TOR1AIP2: variants seen among roughly 807,000 people sequenced by gnomAD.
TOR1AIP2 encodes torsin 1A interacting protein 2, also known as torsin-1A-interacting protein 2.
A neutral mutation model predicts 32.6 loss-of-function variants in TOR1AIP2; 20 were observed. That is an observed-to-expected ratio of 0.61 (90% CI 0.43 to 0.89). The LOEUF is 0.89. Among genes scored for constraint, TOR1AIP2 ranks in the 40% least tolerant of loss-of-function variants. TOR1AIP2 has a pLI of 0.00. For synonymous variants in TOR1AIP2, 214 were observed against 210.8 expected (o/e 1.02, Z -0.13); for missense variants, 456 against 553.8 (o/e 0.82, Z 1.77).
chr1:179,851,294 C>A lies in TOR1AIP2; in HGVS notation c.104G>T (p.Ser35Ile), dbSNP rs1433645209. The change falls in exon 5 of 7, where the codon AGT (serine) becomes ATT (isoleucine). Residue 35 changes from serine to isoleucine, a missense_variant. Transcript: ENST00000609928. Reference sequence around the variant, plus strand: ...TAGGATCTCAGCTTCTTCAGCATTACTTGCTATGATTGTGGTCTCCTGCGC... The same window carrying A: ...TAGGATCTCAGCTTCTTCAGCATTAATTGCTATGATTGTGGTCTCCTGCGC... ...SQAQETTIIA[S>I]NAEEAEILHS... 2.5e-6 allele frequency: 4 copies of A among 1,608,148 alleles called. No individual in the cohort carries two copies. In the African/African-American group the frequency reaches 5.4e-5, roughly 22 times the overall value.
intron 3 of TOR1AIP2, among the ~76,000 whole-genome samples, chr1:179,858,591 A>G (rs943707644): frequency 6.6e-6 from 1 of 152,238 alleles, no homozygotes; most frequent in African/African-American, 2.4e-5. Flanking sequence ...CTGTAAAAAA[A>G]AATTAAGTAT....
In TOR1AIP2 at chr1:179,841,113, C is replaced by G. The variant is rs1695706479; in HGVS notation, c.*4958G>C. On this transcript the variant is annotated 3_prime_UTR_variant, in exon 7 of 7. Transcript: ENST00000609928. ...TTACAGGTATCTTAACTTTATTTAG[C>G]TCTCTGTAGAATTAACATCTTTGCA... 1 of 152,048 alleles carries G rather than the reference C, an allele frequency of 6.6e-6. No individual in the cohort carries two copies. The highest frequency in any genetic ancestry group is 2.1e-4 in the South Asian group (1 of 4,816). 9.4% of individuals were successfully genotyped at this position (152,048 alleles called of 1,614,324 possible).
At chr1:179,862,392 G>A (rs745652209) in intron 3 of TOR1AIP2, 31 of 985,076 alleles carry the variant, frequency 3.1e-5, no homozygotes, top group Non-Finnish European at 3.6e-5. Flanking sequence ...GTAGGATAGT[G>A]AAATTCTTCA....
chr1:179,866,930 G>T (rs1558025562), intron 2 of TOR1AIP2, among the ~76,000 whole-genome samples: 6 of 152,056 alleles, frequency 3.9e-5, no homozygotes, highest in African/African-American at 1.5e-4. Flanking sequence ...CACCTAGAGG[G>T]TATCACAGAA....
intron 3 of TOR1AIP2, among the ~76,000 whole-genome samples, chr1:179,855,811 T>C (rs1240837077): frequency 1.3e-5 from 2 of 152,250 alleles, no homozygotes; most frequent in African/African-American, 2.4e-5. Context: ...AATTGTCATA[T>C]TCTTACAATG....
intron 3 of TOR1AIP2, among the ~76,000 whole-genome samples, chr1:179,854,816 A>G (rs1696237734): frequency 6.6e-6 from 1 of 152,240 alleles, no homozygotes; most frequent in Non-Finnish European, 1.5e-5. Context: ...GGTTGCAGTG[A>G]GCCCAGATTG....
chr1:179,863,897 G>C, intron 3 of TOR1AIP2: 1 of 985,418 alleles, frequency 1.0e-6, no homozygotes, highest in Non-Finnish European at 1.2e-6. Flanking sequence ...TGAAAGTCCA[G>C]AATGTGGCCA....
At chr1:179,859,276 C>A (rs976465718) in intron 3 of TOR1AIP2, 2 of 833,040 alleles carry the variant, frequency 2.4e-6, no homozygotes, top group South Asian at 1.1e-4. Flanking sequence ...TCACAACAAT[C>A]TTATGAGGTG....
At chr1:179,862,720 G>C (rs947877939) in intron 3 of TOR1AIP2, 1 of 894,266 alleles carries the variant, frequency 1.1e-6, no homozygotes, top group Non-Finnish European at 1.3e-6. Flanking sequence ...CTGAGGTCAG[G>C]AGTTCAAGAC....
intron 2 of TOR1AIP2, chr1:179,867,692 C>A (rs182200893): frequency 6.6e-6 from 1 of 152,284 alleles, no homozygotes; most frequent in Admixed American, 6.5e-5. Context: ...AAAACCACTC[C>A]TCCCAGAGGA....
At chr1:179,857,316 A>G (rs566356135) in intron 3 of TOR1AIP2, among the ~76,000 whole-genome samples, 67 of 152,364 alleles carry the variant, frequency 4.4e-4, no homozygotes, top group African/African-American at 1.5e-3. Flanking sequence ...CTGCAGCAAA[A>G]CTTGTATCAT....
chr1:179,869,510 G>A (rs1240623719), intron 2 of TOR1AIP2, among the ~76,000 whole-genome samples: 1 of 152,204 alleles, frequency 6.6e-6, no homozygotes, highest in Non-Finnish European at 1.5e-5. Context: ...AGAGAAAGAG[G>A]TTAATAAGCA....
chr1:179,875,103 GA>G (rs1697142932), intron 2 of TOR1AIP2: 1 of 152,464 alleles, frequency 6.6e-6, no homozygotes, highest in East Asian at 1.9e-4. Context: ...AGGTTCAAAT[GA>G]TTCTCCTGCC....
Position 179,851,284 on chromosome 1 carries a change from T to C in TOR1AIP2, c.114A>G (p.Glu38=). 3 of 1,610,048 alleles carry C rather than the reference T, an allele frequency of 1.9e-6. No homozygotes were observed. The highest frequency in any genetic ancestry group is 2.5e-6 in the Non-Finnish European group (3 of 1,179,770). Reference sequence around the variant, plus strand: ...AGGCAGAGTGTAGGATCTCAGCTTCTTCAGCATTACTTGCTATGATTGTGG... The same window carrying C: ...AGGCAGAGTGTAGGATCTCAGCTTCCTCAGCATTACTTGCTATGATTGTGG... ...QETTIIASNA[E]EAEILHSACG... is the part of the protein sequence containing the mutation. Residue 38 remains glutamate, a synonymous_variant, in exon 5 of 7, where the codon GAA becomes GAG. Coordinates refer to ENST00000609928, the MANE Select transcript of TOR1AIP2 (RefSeq NM_001199260.2).
At chr1:179,854,058 C>G (rs1696208709) in intron 3 of TOR1AIP2, among the ~76,000 whole-genome samples, 1 of 152,086 alleles carries the variant, frequency 6.6e-6, no homozygotes, top group Non-Finnish European at 1.5e-5. Flanking sequence ...ATTTTTCCTG[C>G]CAGCCAAAAC....
Position 179,844,795 on chromosome 1 carries a change from A to C in TOR1AIP2, c.*1276T>G, listed in dbSNP as rs1695840022. On this transcript the variant is annotated 3_prime_UTR_variant, in exon 7 of 7. Coordinates refer to ENST00000609928, the MANE Select transcript of TOR1AIP2 (RefSeq NM_001199260.2). ...GCATTACATAATGTTCCATCACTGC[A>C]TAGAAATAAACTGGTAAAGTTATGC... The C allele has an allele frequency of 6.6e-6, 1 of 152,234 alleles. No individual in the cohort carries two copies. Among genetic ancestry groups the C allele is most frequent in the African/African-American group, 2.4e-5 (1 of 41,472 alleles). 9.4% of individuals were successfully genotyped at this position (152,234 alleles called of 1,614,324 possible).
intron 3 of TOR1AIP2, chr1:179,864,483 G>C (rs1256607640): frequency 9.1e-7 from 1 of 1,103,096 alleles, no homozygotes; most frequent in East Asian, 6.0e-5. Flanking sequence ...ACACTCATTA[G>C]GTTGCAGAAA....
chr1:179,876,568 T>C (rs895354171), intron 2 of TOR1AIP2, among the ~76,000 whole-genome samples: 10 of 152,200 alleles, frequency 6.6e-5, no homozygotes, highest in African/African-American at 2.4e-4. Context: ...CAAAAACATC[T>C]GTAGTTACTC....
At chr1:179,853,613 GT>G (rs1013763448) in intron 3 of TOR1AIP2, among the ~76,000 whole-genome samples, 1 of 152,140 alleles carries the variant, frequency 6.6e-6, no homozygotes, top group African/African-American at 2.4e-5. Context: ...CCTGTGTGAA[GT>G]GTTATAGTTT....
Sources: allele counts gnomAD v4.1 joint callset (sites outside exome capture counted in the v4.1 genomes callset), GRCh38; gene constraint gnomAD v4.1.1; transcripts MANE v1.5; gene names NCBI Gene and HGNC (gene_info 2026-07-23, HGNC 2026-07-21).